Variants in POMGNT2 observed in about 807,000 individuals in gnomAD.
POMGNT2 encodes the protein protein O-linked mannose N-acetylglucosaminyltransferase 2 (beta 1,4-).
POMGNT2 carries 32 observed loss-of-function variants against 37.8 expected under a neutral mutation model. That is an observed-to-expected ratio of 0.85 (90% CI 0.64 to 1.14). The LOEUF (loss-of-function observed/expected upper bound fraction) is 1.14. Among genes scored for constraint, POMGNT2 ranks in the 50% most tolerant of loss-of-function variants. The pLI, the probability that POMGNT2 is intolerant of heterozygous loss-of-function variation, is 0.00. For missense variants in POMGNT2, 705 were observed against 780.6 expected (o/e 0.90, Z 1.15); for synonymous variants, 340 against 336.8 (o/e 1.01, Z -0.10).
In POMGNT2 at chr3:43,080,800, G is replaced by A. The variant is rs762704173; in HGVS notation, c.632C>T (p.Pro211Leu). 43 of 1,613,906 alleles carry A rather than the reference G, an allele frequency of 2.7e-5. No homozygotes were observed. In the South Asian group the frequency reaches 4.7e-4, roughly 18 times the overall value. ...CTGTGCCCGCAGGAGAGGCTGCTTG[G>A]GGCTGAGCAGCTTGTAGAGGTCGAA... ...AHFDLYKLLS[P>L]KQPLLRAQLK... Residue 211 changes from proline to leucine, a missense_variant, in exon 2 of 2, where the codon CCC (proline) becomes CTC (leucine). Pro to Leu is a moderately conservative substitution (Grantham distance 98, BLOSUM62 -3). Transcript: ENST00000344697.
At chr3:43,087,364 C>G (rs2089905486) in intron 1 of POMGNT2, 1 of 152,224 alleles carries the variant, frequency 6.6e-6, no homozygotes, top group Non-Finnish European at 1.5e-5. Flanking sequence ...TAAGCAAGTC[C>G]TCATTTTACG....
chr3:43,099,797 C>T lies in POMGNT2; in HGVS notation c.-106+6039G>A, dbSNP rs72872334. ...AGCAGAAGGAGGTGACAGAATTAGG[C>T]TGAGTTTTCCTTTGGTCTCATTACC... On this transcript the variant is annotated intron_variant, in intron 1 of 1. Transcript: ENST00000344697. Among the ~76,000 whole-genome samples the T allele has an allele frequency of 5.2e-3, 795 of 152,172 alleles. 6 individuals are homozygous for T. The highest frequency in any genetic ancestry group is 0.018 in the African/African-American group (729 of 41,526).
At chr3:43,093,790 G>T (rs1243085974) in intron 1 of POMGNT2, among the ~76,000 whole-genome samples, 2 of 152,032 alleles carry the variant, frequency 1.3e-5, no homozygotes, top group Non-Finnish European at 2.9e-5. Flanking sequence ...CATACTTTTT[G>T]GCTGCCTTCC....
At chr3:43,090,192 A>G (rs1311110918) in intron 1 of POMGNT2, among the ~76,000 whole-genome samples, 1 of 152,192 alleles carries the variant, frequency 6.6e-6, no homozygotes, top group Non-Finnish European at 1.5e-5. Context: ...AAAGTTCAGT[A>G]TCCCCTTCTC....
At chr3:43,092,305 G>A (rs1399431042) in intron 1 of POMGNT2, among the ~76,000 whole-genome samples, 1 of 151,916 alleles carries the variant, frequency 6.6e-6, no homozygotes, top group Non-Finnish European at 1.5e-5. Flanking sequence ...GTTTTGTTTT[G>A]TTTTTTTGAG....
At chr3:43,083,100 T>C (rs2089869016) in intron 1 of POMGNT2, among the ~76,000 whole-genome samples, 1 of 152,158 alleles carries the variant, frequency 6.6e-6, no homozygotes, top group African/African-American at 2.4e-5. Flanking sequence ...TATCCAAAGG[T>C]TGGGCCCACA....
At chr3:43,086,917 T>C (rs1210149160) in intron 1 of POMGNT2, among the ~76,000 whole-genome samples, 2 of 152,260 alleles carry the variant, frequency 1.3e-5, no homozygotes, top group Non-Finnish European at 2.9e-5. Flanking sequence ...GCACAGACAA[T>C]TAGATAAGAA....
chr3:43,088,284 T>G (rs922743313), intron 1 of POMGNT2, among the ~76,000 whole-genome samples: 2 of 152,214 alleles, frequency 1.3e-5, no homozygotes, highest in Non-Finnish European at 2.9e-5. Context: ...AAGGATTTTA[T>G]AGCTAAGCAG....
At chr3:43,094,528 T>C (rs1469608017) in intron 1 of POMGNT2, among the ~76,000 whole-genome samples, 1 of 152,230 alleles carries the variant, frequency 6.6e-6, no homozygotes, top group Non-Finnish European at 1.5e-5. Context: ...TGGGCCTCCT[T>C]GGCCTTAGAG....
chr3:43,088,600 T>C (rs954271499), intron 1 of POMGNT2, among the ~76,000 whole-genome samples: 14 of 152,176 alleles, frequency 9.2e-5, no homozygotes, highest in African/African-American at 3.4e-4. Context: ...CTTGGGCCAG[T>C]TACTGGCCCA....
Position 43,081,484 on chromosome 3 carries a change from AG to A in POMGNT2, c.-54del. ...GATGACGGCCACTGGGAAGCACCAC[AG>A]GCCAGGCAGGCTTCACCCATCCCTA... On this transcript the variant is annotated 5_prime_UTR_variant, in exon 2 of 2. The change abolishes the stop of an existing upstream ORF in the 5' untranslated region. Transcript: ENST00000344697. The A allele has an allele frequency of 7.1e-7, 1 of 1,404,832 alleles. No homozygotes were observed. The allele number at this position is 1,404,832 out of a possible 1,614,324, so 87.0% of individuals were successfully genotyped here.
At chr3:43,090,993 C>T (rs1007168132) in intron 1 of POMGNT2, among the ~76,000 whole-genome samples, 3 of 152,198 alleles carry the variant, frequency 2.0e-5, no homozygotes, top group Admixed American at 6.5e-5. Context: ...ATTTCAGACA[C>T]TGATTCTCCT....
chr3:43,099,480 G>C (rs1181924717), intron 1 of POMGNT2, among the ~76,000 whole-genome samples: 2 of 152,194 alleles, frequency 1.3e-5, no homozygotes, highest in Non-Finnish European at 2.9e-5. Context: ...TCTCACAAAT[G>C]TCCAGCAAAC....
Position 43,081,439 on chromosome 3 carries a change from C to T in POMGNT2, c.-8G>A. On this transcript the variant is annotated 5_prime_UTR_variant, in exon 2 of 2. Transcript: ENST00000344697. ...CACCGCCGAGAGGTGCATCCTAATGCCACTGTGGGGCCCTAATGAGATGAC... is the reference window on the plus strand; with the variant it reads ...CACCGCCGAGAGGTGCATCCTAATGTCACTGTGGGGCCCTAATGAGATGAC... The T allele has an allele frequency of 6.5e-7, 1 of 1,543,324 alleles. No homozygotes were observed.
intron 1 of POMGNT2, among the ~76,000 whole-genome samples, chr3:43,088,953 T>C (rs978479983): frequency 2.6e-5 from 4 of 152,234 alleles, no homozygotes; most frequent in African/African-American, 4.8e-5. Flanking sequence ...CAAAGTGTCA[T>C]GCATGAGGCA....
intron 1 of POMGNT2, among the ~76,000 whole-genome samples, chr3:43,092,056 G>A (rs989490394): frequency 7.9e-5 from 12 of 152,148 alleles, no homozygotes; most frequent in East Asian, 1.9e-4. Context: ...TCTGGTTTGC[G>A]TCCTGGACCA....
Position 43,080,598 on chromosome 3 carries a change from G to T in POMGNT2, c.834C>A (p.Ser278Arg). The T allele has an allele frequency of 6.2e-7, 1 of 1,614,208 alleles. No individual in the cohort carries two copies. ...ARFMTEKLNV[S>R]HTGVPLGEEY... ...CCTCGCCTAGGGGGACTCCTGTGTG[G>T]CTCACGTTCAGCTTTTCTGTCATGA... Residue 278 changes from serine (S) to arginine (R), a missense_variant, in exon 2 of 2, where the codon AGC becomes AGA. Transcript: ENST00000344697.
In POMGNT2 at chr3:43,080,169, C is replaced by T; in HGVS notation, c.1263G>A (p.Glu421=). 6.2e-7 allele frequency: 1 copy of T among 1,613,974 alleles called. No individual in the cohort carries two copies. Among genetic ancestry groups the T allele is most frequent in the Non-Finnish European group, 8.5e-7 (1 of 1,179,976 alleles). ...CACGGCTTTGCAGGATACGGGCTTG[C>T]TCAGCCCGGTCCAGATGGGTGATGC... ...QGGITHLDRA[E]QARILQSREV... The change falls in exon 2 of 2, where the codon GAG becomes GAA. Residue 421 remains glutamate, a synonymous_variant. Coordinates refer to ENST00000344697, the MANE Select transcript of POMGNT2 (RefSeq NM_032806.6).
chr3:43,088,159 A>C (rs1012524315), intron 1 of POMGNT2: 1 of 152,242 alleles, frequency 6.6e-6, no homozygotes, highest in East Asian at 1.9e-4. Flanking sequence ...TATAGACAAA[A>C]CATTGGCATT....
Sources: allele counts gnomAD v4.1 joint callset (sites outside exome capture counted in the v4.1 genomes callset), GRCh38; gene constraint gnomAD v4.1.1; transcripts MANE v1.5; gene names NCBI Gene and HGNC (gene_info 2026-07-23, HGNC 2026-07-21).